Variants in IKZF1 observed in about 807,000 individuals in gnomAD.
The protein encoded by IKZF1 is IKAROS family zinc finger 1.
IKZF1 carries 10 observed loss-of-function variants against 51.7 expected under a neutral mutation model. The ratio of observed to expected loss-of-function variants is 0.19; its 90% CI spans 0.12 to 0.33. The LOEUF (loss-of-function observed/expected upper bound fraction) is 0.33. Ranked by LOEUF, IKZF1 falls within the 10% of genes least tolerant of loss-of-function variation. IKZF1 has a pLI of 1.00. For synonymous variants in IKZF1, 280 were observed against 282.3 expected (o/e 0.99, Z 0.08); for missense variants, 484 against 707.5 (o/e 0.68, Z 3.58).
At chr7:50,317,204 T>A (rs1791796006) in intron 1 of IKZF1, among the ~76,000 whole-genome samples, 1 of 152,240 alleles carries the variant, frequency 6.6e-6, no homozygotes, top group Admixed American at 6.5e-5. Flanking sequence ...GTTGTTATAG[T>A]TGCTGTGACA....
chr7:50,380,058 T>C (rs1313677082), intron 4 of IKZF1, among the ~76,000 whole-genome samples: 1 of 152,262 alleles, frequency 6.6e-6, no homozygotes, highest in Non-Finnish European at 1.5e-5. Context: ...AGGCAAATGA[T>C]GGACCCCGGC....
intron 4 of IKZF1, among the ~76,000 whole-genome samples, chr7:50,379,755 A>G (rs1211578631): frequency 6.6e-6 from 1 of 152,224 alleles, no homozygotes; most frequent in Non-Finnish European, 1.5e-5. Flanking sequence ...TGATTGCAGT[A>G]GACCTACGTC....
intron 2 of IKZF1, among the ~76,000 whole-genome samples, chr7:50,325,813 G>T (rs748239162): frequency 5.3e-5 from 8 of 152,044 alleles, no homozygotes; most frequent in Non-Finnish European, 8.8e-5. Context: ...AGTGAAAATA[G>T]TAGTGACTTA....
At chr7:50,346,905 A>G (rs1422539718) in intron 3 of IKZF1, among the ~76,000 whole-genome samples, 1 of 152,216 alleles carries the variant, frequency 6.6e-6, no homozygotes, top group Non-Finnish European at 1.5e-5. Flanking sequence ...TGCTCCTCCT[A>G]ATGGGGCACA....
chr7:50,329,996 C>A (rs1025170037), intron 3 of IKZF1, among the ~76,000 whole-genome samples: 1 of 152,160 alleles, frequency 6.6e-6, no homozygotes, highest in Non-Finnish European at 1.5e-5. Flanking sequence ...CCCTTACGGA[C>A]GTCATATTGT....
chr7:50,379,753 G>C (rs1243299783), intron 4 of IKZF1, among the ~76,000 whole-genome samples: 1 of 152,198 alleles, frequency 6.6e-6, no homozygotes, highest in African/African-American at 2.4e-5. Context: ...TATGATTGCA[G>C]TAGACCTACG....
intron 1 of IKZF1, among the ~76,000 whole-genome samples, chr7:50,307,158 T>G (rs1334664405): frequency 6.6e-6 from 1 of 152,210 alleles, no homozygotes; most frequent in Non-Finnish European, 1.5e-5. Context: ...ATGGTGAATT[T>G]TAGGCATAAA....
intron 3 of IKZF1, among the ~76,000 whole-genome samples, chr7:50,350,587 C>T (rs1044797696): frequency 3.9e-5 from 6 of 152,184 alleles, no homozygotes; most frequent in African/African-American, 7.2e-5. Flanking sequence ...TCTGACGGCA[C>T]GTTACACCAG....
At chr7:50,315,032 G>A (rs1047867407) in intron 1 of IKZF1, among the ~76,000 whole-genome samples, 7 of 152,254 alleles carry the variant, frequency 4.6e-5, no homozygotes, top group Admixed American at 2.6e-4. Flanking sequence ...GGGCCCACAC[G>A]GCCTGGAAGA....
intron 3 of IKZF1, chr7:50,369,629 C>A: frequency 2.5e-6 from 1 of 398,460 alleles, no homozygotes; most frequent in South Asian, 1.3e-4. Flanking sequence ...ACCTTGTGGT[C>A]ATGATGAAGA....
intron 2 of IKZF1, 128 bp from the exon 3 acceptor site, chr7:50,327,510 C>T: frequency 9.1e-7 from 1 of 1,097,808 alleles, no homozygotes; most frequent in Non-Finnish European, 1.3e-6. Context: ...TATATGCATC[C>T]CAGCAGAGAA....
At chr7:50,351,151 C>G (rs1387673509) in intron 3 of IKZF1, among the ~76,000 whole-genome samples, 3 of 152,148 alleles carry the variant, frequency 2.0e-5, no homozygotes, top group Admixed American at 6.5e-5. Context: ...ATTACATGCT[C>G]TCTCTTTTTT....
At chr7:50,355,581 T>C (rs1803084355) in intron 3 of IKZF1, among the ~76,000 whole-genome samples, 1 of 151,868 alleles carries the variant, frequency 6.6e-6, no homozygotes, top group Non-Finnish European at 1.5e-5. Flanking sequence ...ATCTGCAGTC[T>C]CTCTTAATTC....
chr7:50,329,075 A>G (rs1381951714), intron 3 of IKZF1: 4 of 148,808 alleles, frequency 2.7e-5, no homozygotes, highest in African/African-American at 9.8e-5. Context: ...TCCATCTCAA[A>G]AAAAAAAAAA....
chr7:50,402,282 G>A lies in IKZF1; in HGVS notation c.*1655G>A. 4.3e-6 allele frequency: 1 copy of A among 231,038 alleles called. No homozygotes were observed. The highest frequency in any genetic ancestry group is 8.6e-6 in the Non-Finnish European group (1 of 116,572). 14.3% of individuals were successfully genotyped at this position (231,038 alleles called of 1,614,324 possible). On this transcript the variant is annotated 3_prime_UTR_variant, in exon 8 of 8. Coordinates refer to ENST00000331340, the MANE Select transcript of IKZF1 (RefSeq NM_006060.6). ...GCAACAGAGAGGAAATTGTACATAAGTACCTCAGCATTTAATCCAAACAGG... is the reference window on the plus strand; with the variant it reads ...GCAACAGAGAGGAAATTGTACATAAATACCTCAGCATTTAATCCAAACAGG...
intron 3 of IKZF1, among the ~76,000 whole-genome samples, chr7:50,342,867 G>A (rs964741496): frequency 5.9e-5 from 9 of 152,318 alleles, no homozygotes; most frequent in South Asian, 2.1e-4. Context: ...AGGAGACAGC[G>A]TGTGCTCCTG....
At chr7:50,305,421 C>T (rs1584330142) in intron 1 of IKZF1, among the ~76,000 whole-genome samples, 1 of 152,294 alleles carries the variant, frequency 6.6e-6, no homozygotes, top group East Asian at 1.9e-4. Flanking sequence ...CTCAGGAAAA[C>T]CCTTAGTAAT....
At chr7:50,308,406 A>G (rs1789327305) in intron 1 of IKZF1, among the ~76,000 whole-genome samples, 1 of 148,436 alleles carries the variant, frequency 6.7e-6, no homozygotes, top group Non-Finnish European at 1.5e-5. Context: ...CTGGTAATAA[A>G]CTGTTAAAAA....
intron 3 of IKZF1, among the ~76,000 whole-genome samples, chr7:50,346,541 T>C (rs1348616362): frequency 6.6e-6 from 1 of 152,244 alleles, no homozygotes; most frequent in East Asian, 1.9e-4. Flanking sequence ...AACACCATGA[T>C]GCCTTTGCCT....
Sources: gnomAD v4.1 joint callset for allele counts (sites outside exome capture counted in the v4.1 genomes callset) on GRCh38, gnomAD v4.1.1 for gene constraint, MANE v1.5 for transcripts, NCBI Gene and HGNC (gene_info 2026-07-23, HGNC 2026-07-21) for gene names.